Variants in TOX observed in about 807,000 individuals in gnomAD.
TOX encodes the protein thymocyte selection-associated high mobility group box protein TOX.
Under a neutral mutation model 53.7 loss-of-function variants are expected in TOX, and 11 were observed. The observed-to-expected ratio is 0.20, with a 90% confidence interval of 0.13 to 0.34. The LOEUF (loss-of-function observed/expected upper bound fraction) is 0.34, where lower values mean the gene tolerates loss of function less well. TOX is among the 10% of genes least tolerant of loss of function. The pLI, the probability that TOX is intolerant of heterozygous loss-of-function variation, is 1.00. For synonymous variants in TOX, 225 were observed against 245.3 expected, an observed-to-expected ratio of 0.92 and a Z score of 0.77; for missense variants, 570 against 664.6, an observed-to-expected ratio of 0.86 and a Z score of 1.56.
intron 3 of TOX, among the ~76,000 whole-genome samples, chr8:58,875,763 C>T (rs1292035658): frequency 6.6e-6 from 1 of 152,192 alleles, no homozygotes; most frequent in Non-Finnish European, 1.5e-5. Flanking sequence ...GAGCTGGATT[C>T]AATTCTCTGT....
chr8:58,904,467 G>A (rs898829267), intron 3 of TOX, among the ~76,000 whole-genome samples: 2 of 152,126 alleles, frequency 1.3e-5, no homozygotes, highest in Admixed American at 6.5e-5. Context: ...CACAGCCTAT[G>A]GGGATTCGAG....
Position 59,092,251 on chromosome 8 carries a change from CATATATATATATTTTATAT to C in TOX, c.102+26616_102+26634del, listed in dbSNP as rs1156376323. The stretch of plus-strand genomic sequence containing the variant: ...TGGGCGAAAGAGCAAGACTCCATCT[CATATATATATATTTTATAT>C]ATATATATATATTATATATACATTA... On this transcript the variant is annotated intron_variant, in intron 1 of 8. Coordinates refer to ENST00000361421, the MANE Select transcript of TOX (RefSeq NM_014729.3). 1.0e-4 allele frequency among the ~76,000 whole-genome samples: 6 copies of C among 59,276 alleles called. 2 individuals carry two copies. Among genetic ancestry groups the C allele is most frequent in the African/African-American group, 5.2e-4 (4 of 7,730 alleles). The allele number at this position is 59,276 out of a possible 152,430, so 38.9% of individuals were successfully genotyped here.
chr8:58,868,800 C>G (rs1225991663), intron 3 of TOX, among the ~76,000 whole-genome samples: 1 of 146,698 alleles, frequency 6.8e-6, no homozygotes, highest in Admixed American at 6.8e-5. Flanking sequence ...CTAAACCAAA[C>G]AGAAGAAAAG....
At chr8:58,826,174 G>A (rs573470635) in intron 6 of TOX, among the ~76,000 whole-genome samples, 3 of 152,158 alleles carry the variant, frequency 2.0e-5, no homozygotes, top group South Asian at 2.1e-4. Context: ...CACAGTGAAC[G>A]CAGTAACAGC....
At chr8:59,111,312 T>C (rs1299328457) in intron 1 of TOX, among the ~76,000 whole-genome samples, 1 of 152,176 alleles carries the variant, frequency 6.6e-6, no homozygotes, top group Non-Finnish European at 1.5e-5. Context: ...TCTTTAGTCT[T>C]ATTAGGATAT....
intron 1 of TOX, among the ~76,000 whole-genome samples, chr8:59,025,837 C>T (rs1814225815): frequency 6.6e-6 from 1 of 152,196 alleles, no homozygotes; most frequent in South Asian, 2.1e-4. Flanking sequence ...ATAGGACTGC[C>T]TTCCCCATGT....
intron 1 of TOX, among the ~76,000 whole-genome samples, chr8:59,058,454 G>A (rs1803919727): frequency 6.6e-6 from 1 of 152,194 alleles, no homozygotes; most frequent in Non-Finnish European, 1.5e-5. Flanking sequence ...TGGAAATGGT[G>A]AGCTGAATCC....
At chr8:59,040,394 T>C (rs1360419741) in intron 1 of TOX, among the ~76,000 whole-genome samples, 1 of 149,386 alleles carries the variant, frequency 6.7e-6, no homozygotes, top group Non-Finnish European at 1.5e-5. Flanking sequence ...AGAGATGGAA[T>C]TTGCTATCTT....
intron 1 of TOX, among the ~76,000 whole-genome samples, chr8:59,069,412 G>A (rs998028372): frequency 5.3e-5 from 8 of 152,296 alleles, no homozygotes; most frequent in Admixed American, 2.0e-4. Context: ...GATTTAAGAT[G>A]CAGGATATTG....
At chr8:58,818,194 A>G (rs931014476) in intron 6 of TOX, among the ~76,000 whole-genome samples, 2 of 152,198 alleles carry the variant, frequency 1.3e-5, no homozygotes, top group Admixed American at 1.3e-4. Context: ...TATGTCCTCC[A>G]TATCAAAGCA....
intron 6 of TOX, among the ~76,000 whole-genome samples, chr8:58,821,376 A>G (rs1237629473): frequency 6.6e-6 from 1 of 152,146 alleles, no homozygotes; most frequent in East Asian, 1.9e-4. Context: ...AGTGCTTCCT[A>G]TGTTCAGGAT....
At chr8:59,115,858 C>T (rs1426293251) in intron 1 of TOX, among the ~76,000 whole-genome samples, 1 of 152,046 alleles carries the variant, frequency 6.6e-6, no homozygotes, top group Non-Finnish European at 1.5e-5. Flanking sequence ...GTGATATGTT[C>T]ATAACGTGTA....
Position 58,808,196 on chromosome 8 carries a change from G to A in TOX, c.1466C>T (p.Ala489Val). Residue 489 changes from alanine to valine, a missense_variant, in exon 8 of 9, where the codon GCA becomes GTA. Transcript: ENST00000361421. ...GCACCCCGAACGCACATACTCCATTGCCTGGGTGACAACTTGTGCAGCTGT... is the reference window on the plus strand; with the variant it reads ...GCACCCCGAACGCACATACTCCATTACCTGGGTGACAACTTGTGCAGCTGT... ...TSTAAQVVTQ[A>V]MEYVRSGCRN... The A allele has an allele frequency of 6.2e-7, 1 of 1,614,124 alleles. No individual in the cohort carries two copies. Among genetic ancestry groups the A allele is most frequent in the South Asian group, 1.1e-5 (1 of 91,082 alleles).
In TOX at chr8:58,838,420, A is replaced by G. The variant is rs1048895255; in HGVS notation, c.694-109T>C. 6.2e-5 allele frequency: 51 copies of G among 816,606 alleles called. 1 individual carries two copies. The highest frequency in any genetic ancestry group is 2.1e-5 in the Non-Finnish European group (11 of 512,334). The allele number at this position is 816,606 out of a possible 1,614,324, so 50.6% of individuals were successfully genotyped here. ...GACACATACCCATTCACATCACTCA[A>G]ACACAGGCTTTTCTAAGGGACACAT... On this transcript the variant is annotated intron_variant, in intron 4 of 8. Transcript: ENST00000361421.
chr8:58,947,557 T>A (rs895599552), intron 2 of TOX, among the ~76,000 whole-genome samples: 1 of 152,306 alleles, frequency 6.6e-6, no homozygotes, highest in South Asian at 2.1e-4. Context: ...AGTGTTCTTA[T>A]GGCGATATGG....
intron 1 of TOX, among the ~76,000 whole-genome samples, chr8:59,086,787 T>C (rs1804516432): frequency 6.6e-6 from 1 of 152,244 alleles, no homozygotes; most frequent in Non-Finnish European, 1.5e-5. Flanking sequence ...ACATTAAGTC[T>C]TTTATGTGGC....
At chr8:59,084,908 A>G (rs571092792) in intron 1 of TOX, among the ~76,000 whole-genome samples, 2 of 152,344 alleles carry the variant, frequency 1.3e-5, no homozygotes, top group South Asian at 2.1e-4. Context: ...CTAAAATACA[A>G]TTTTCCAAGT....
intron 6 of TOX, among the ~76,000 whole-genome samples, 163 bp downstream of exon 6, chr8:58,826,659 C>T (rs980756234): frequency 2.4e-4 from 36 of 152,180 alleles, no homozygotes; most frequent in East Asian, 3.8e-4. Flanking sequence ...TGGAGCTGAA[C>T]GAATATTTCC....
intron 1 of TOX, among the ~76,000 whole-genome samples, chr8:58,965,894 GTTTTTTTTTTTTTT>G (rs67045037): frequency 4.4e-4 from 22 of 49,630 alleles, no homozygotes; most frequent in Admixed American, 2.1e-3. Context: ...ACGAGTCATC[GTTTTTTTTTTTTTT>G]TTTTTTTTTT....
Sources: gnomAD v4.1 joint callset for allele counts (sites outside exome capture counted in the v4.1 genomes callset) on GRCh38, gnomAD v4.1.1 for gene constraint, MANE v1.5 for transcripts, NCBI Gene and HGNC (gene_info 2026-07-23, HGNC 2026-07-21) for gene names.